The following RAB31 variants were observed in gnomAD, a reference collection of about 807,000 sequenced individuals.
RAB31 encodes ras-related protein Rab-31.
A neutral mutation model predicts 25.6 loss-of-function variants in RAB31; 21 were observed. The observed-to-expected ratio is 0.82, with a 90% CI of 0.58 to 1.18. RAB31 has a LOEUF of 1.18. Ranked by LOEUF, RAB31 falls within the 50% of genes most tolerant of loss-of-function variation. The pLI is 0.00. For synonymous variants in RAB31, 87 were observed against 84.0 expected (o/e 1.04, Z -0.20); for missense variants, 196 against 250.1 (o/e 0.78, Z 1.46).
chr18:9,794,194 C>T (rs2068475525), intron 3 of RAB31, among the ~76,000 whole-genome samples: 1 of 152,180 alleles, frequency 6.6e-6, no homozygotes, highest in African/African-American at 2.4e-5. Flanking sequence ...CATTTGGGGC[C>T]TTAATTCAAT....
At position 9,804,877 on chromosome 18, in the gene RAB31, CTTTT is replaced by C. The variant is rs577165196; in HGVS notation, c.202-9139_202-9136del. 4.6e-3 allele frequency among the ~76,000 whole-genome samples: 696 copies of C among 152,288 alleles called. 6 individuals carry two copies. The highest frequency in any genetic ancestry group is 0.016 in the African/African-American group (664 of 41,550). On this transcript the variant is annotated intron_variant, in intron 3 of 6. Transcript: ENST00000578921. Reference sequence around the variant, plus strand: ...GGGACCTTGTTACCTTCTTCACTTTCTTTTTTTGTTTCCAGTTGTTGCTGTAACA... The same window carrying C: ...GGGACCTTGTTACCTTCTTCACTTTCTTTGTTTCCAGTTGTTGCTGTAACA...
chr18:9,840,465 A>G (rs2068727860), intron 5 of RAB31, among the ~76,000 whole-genome samples: 1 of 152,102 alleles, frequency 6.6e-6, no homozygotes, highest in Non-Finnish European at 1.5e-5. Context: ...TTTCTGCATC[A>G]TGGGTCTGTG....
chr18:9,812,825 G>A (rs1051920786), intron 3 of RAB31, among the ~76,000 whole-genome samples: 1 of 150,908 alleles, frequency 6.6e-6, no homozygotes, highest in African/African-American at 2.4e-5. Flanking sequence ...AGCCTCCCAA[G>A]TAGCTGGGAT....
chr18:9,775,279 A>G lies in RAB31; in HGVS notation c.41A>G (p.Asp14Gly). ...IRELKVCLLG[D>G]TGVGKSSIVC... ...GGTTGTATCCTCATTCTTTCCTAGG[A>G]CACTGGGGTTGGGAAATCAAGCATC... is the stretch of plus-strand genomic sequence containing the variant. The change falls in exon 2 of 7, where the codon GAC becomes GGC. Residue 14 changes from aspartate to glycine, a missense_variant and splice_region_variant. Physicochemically the swap from Asp to Gly is moderately conservative, Grantham distance 94 (BLOSUM62 -1). Coordinates refer to ENST00000578921, the MANE Select transcript of RAB31 (RefSeq NM_006868.4). 1 of 1,613,836 alleles carries G rather than the reference A, an allele frequency of 6.2e-7. No individual in the cohort carries two copies. The highest frequency in any genetic ancestry group is 8.5e-7 in the Non-Finnish European group (1 of 1,179,808).
At chr18:9,724,787 A>G (rs555784223) in intron 1 of RAB31, among the ~76,000 whole-genome samples, 1 of 152,352 alleles carries the variant, frequency 6.6e-6, no homozygotes, top group East Asian at 1.9e-4. Context: ...CTAAGCACGT[A>G]GACTTGTACT....
At chr18:9,809,720 G>A (rs573559409) in intron 3 of RAB31, among the ~76,000 whole-genome samples, 7 of 152,342 alleles carry the variant, frequency 4.6e-5, no homozygotes, top group African/African-American at 1.7e-4. Flanking sequence ...GTTAGACATT[G>A]AGATTGCTTA....
intron 5 of RAB31, among the ~76,000 whole-genome samples, chr18:9,835,993 G>A (rs751987668): frequency 1.1e-4 from 16 of 151,956 alleles, no homozygotes; most frequent in Non-Finnish European, 1.8e-4. Flanking sequence ...CAGCCCTGCA[G>A]CCCTCCTCTG....
chr18:9,777,237 A>AT (rs2068376735), intron 2 of RAB31, among the ~76,000 whole-genome samples: 1 of 152,164 alleles, frequency 6.6e-6, no homozygotes, highest in African/African-American at 2.4e-5. Context: ...GCTACTCGGA[A>AT]GGCTGAGGCA....
intron 3 of RAB31, among the ~76,000 whole-genome samples, chr18:9,805,746 A>G (rs2068537080): frequency 6.6e-6 from 1 of 152,238 alleles, no homozygotes; most frequent in African/African-American, 2.4e-5. Context: ...TGAATGAATG[A>G]ATACATTTGA....
At chr18:9,778,903 A>T (rs1183031242) in intron 2 of RAB31, among the ~76,000 whole-genome samples, 1 of 152,252 alleles carries the variant, frequency 6.6e-6, no homozygotes, top group Non-Finnish European at 1.5e-5. Context: ...TTCTTACAAT[A>T]AAGTAAGCTA....
chr18:9,857,280 T>C (rs1273364501), intron 6 of RAB31, among the ~76,000 whole-genome samples: 2 of 151,570 alleles, frequency 1.3e-5, no homozygotes, highest in South Asian at 2.1e-4. Flanking sequence ...ATCTACACAA[T>C]GTATTATTAC....
At chr18:9,848,290 TTCTG>T (rs1164312830) in intron 6 of RAB31, among the ~76,000 whole-genome samples, 1 of 152,044 alleles carries the variant, frequency 6.6e-6, no homozygotes, top group Non-Finnish European at 1.5e-5. Context: ...CTGTCTGTCC[TTCTG>T]TCCATCTGTG....
intron 6 of RAB31, 94 bp from the exon 7 acceptor site, chr18:9,859,134 C>A: frequency 6.3e-6 from 3 of 473,192 alleles, no homozygotes; most frequent in Non-Finnish European, 9.2e-6. Flanking sequence ...TTGTGCACAG[C>A]CCAAAGCAGG....
intron 1 of RAB31, chr18:9,774,841 G>A (rs767440190): frequency 3.9e-6 from 2 of 517,508 alleles, no homozygotes; most frequent in Admixed American, 2.0e-5. Flanking sequence ...AGAATTAATA[G>A]GTCTTAAAGG....
chr18:9,823,194 C>T (rs1599054521), intron 5 of RAB31, among the ~76,000 whole-genome samples: 1 of 151,826 alleles, frequency 6.6e-6, no homozygotes, highest in South Asian at 2.1e-4. Context: ...ATTTATATAA[C>T]ATTTTAGAAA....
chr18:9,776,968 T>C (rs1440156307), intron 2 of RAB31, among the ~76,000 whole-genome samples: 3 of 152,160 alleles, frequency 2.0e-5, no homozygotes, highest in Admixed American at 2.0e-4. Context: ...AAAATGCTCA[T>C]TGGGATATTT....
intron 1 of RAB31, among the ~76,000 whole-genome samples, chr18:9,728,898 T>C (rs750041244): frequency 5.9e-5 from 9 of 152,222 alleles, no homozygotes; most frequent in South Asian, 2.1e-4. Flanking sequence ...GATAATCTAT[T>C]TTAATTTGCA....
intron 1 of RAB31, among the ~76,000 whole-genome samples, chr18:9,739,675 C>T (rs778908484): frequency 7.9e-5 from 12 of 152,086 alleles, no homozygotes; most frequent in Non-Finnish European, 1.3e-4. Flanking sequence ...ACAGGAGATC[C>T]CAGATTATAG....
chr18:9,823,885 C>T (rs1009411568), intron 5 of RAB31, among the ~76,000 whole-genome samples: 1 of 152,184 alleles, frequency 6.6e-6, no homozygotes, highest in Admixed American at 6.5e-5. Context: ...GAATGTCTGT[C>T]TCCTGTGAGA....
Sources: allele counts gnomAD v4.1 joint callset (sites outside exome capture counted in the v4.1 genomes callset), GRCh38; gene constraint gnomAD v4.1.1; transcripts MANE v1.5; gene names NCBI Gene and HGNC (gene_info 2026-07-23, HGNC 2026-07-21).